Variants in CNNM3 observed in about 807,000 individuals in gnomAD.
The protein encoded by CNNM3 is metal transporter CNNM3.
In CNNM3, 47 loss-of-function variants were observed where a neutral mutation model predicts 57.1. That is an observed-to-expected ratio of 0.82 (90% CI 0.65 to 1.05). The LOEUF (loss-of-function observed/expected upper bound fraction) is 1.05. CNNM3 is among the 50% of genes least tolerant of loss of function. The pLI is 0.00. For synonymous variants in CNNM3, 507 were observed against 478.2 expected, an observed-to-expected ratio of 1.06 and a Z score of -0.79; for missense variants, 957 against 973.7, an observed-to-expected ratio of 0.98 and a Z score of 0.23.
At position 96,819,310 on chromosome 2, in the gene CNNM3, G is replaced by A. The variant is rs534334479; in HGVS notation, c.1225+1808G>A. 2.1e-4 allele frequency among the ~76,000 whole-genome samples: 32 copies of A among 152,338 alleles called. No homozygotes were observed. In the South Asian group the frequency reaches 5.0e-3, roughly 24 times the overall value. ...CCAACATTGCAACCCTGGAATCAGC[G>A]GAGTAGGTTCCATCCTGCCCTTGCC... On this transcript the variant is annotated intron_variant, in intron 1 of 7. Transcript: ENST00000305510.
Position 96,816,941 on chromosome 2 carries a change from G to A in CNNM3, c.664G>A (p.Val222Met). 7.9e-7 allele frequency: 1 copy of A among 1,260,390 alleles called. No individual in the cohort carries two copies. The allele number at this position is 1,260,390 out of a possible 1,614,324, so 78.1% of individuals were successfully genotyped here. Residue 222 changes from valine (V) to methionine (M), a missense_variant, in exon 1 of 8, where the codon GTG becomes ATG. Val to Met is a conservative substitution (Grantham distance 21). Around this residue, in one of 2 missense-constraint regions of CNNM3, gnomAD observed 466 missense variants for 403.1 expected, o/e 1.16. Coordinates refer to ENST00000305510, the MANE Select transcript of CNNM3 (RefSeq NM_017623.5). ...LLYRAAGQRA[V>M]PAVLGSAGLV... ...GTACCGCGCGGCCGGCCAGCGTGCG[G>A]TGCCCGCCGTGTTGGGCAGCGCGGG...
In CNNM3 at chr2:96,817,078, G is replaced by T; in HGVS notation, c.801G>T (p.Leu267=). ...GLSRLAVLLT[L]PVALPVGQLL... is the part of the protein sequence containing the mutation. Reference sequence around the variant, plus strand: ...GCCGCCTGGCCGTCCTGCTCACTCTGCCCGTCGCGCTGCCCGTGGGGCAGC... The same window carrying T: ...GCCGCCTGGCCGTCCTGCTCACTCTTCCCGTCGCGCTGCCCGTGGGGCAGC... The change falls in exon 1 of 8, where the codon CTG becomes CTT. Residue 267 remains leucine (L), a synonymous_variant. Coordinates refer to ENST00000305510, the MANE Select transcript of CNNM3 (RefSeq NM_017623.5). 1 of 1,349,458 alleles carries T rather than the reference G, an allele frequency of 7.4e-7. No homozygotes were observed. The highest frequency in any genetic ancestry group is 9.5e-7 in the Non-Finnish European group (1 of 1,057,952). 83.6% of individuals were successfully genotyped at this position (1,349,458 alleles called of 1,614,324 possible).
intron 1 of CNNM3, among the ~76,000 whole-genome samples, chr2:96,823,393 G>A (rs1048471394): frequency 1.3e-5 from 2 of 152,124 alleles, no homozygotes; most frequent in Non-Finnish European, 2.9e-5. Flanking sequence ...ACCACATGTC[G>A]CACTTGGCCT....
Position 96,833,711 on chromosome 2 carries a change from C to A in CNNM3, c.*1095C>A, listed in dbSNP as rs1441372868. The A allele has an allele frequency of 6.6e-6, 1 of 152,160 alleles. No homozygotes were observed. Among genetic ancestry groups the A allele is most frequent in the Non-Finnish European group, 1.5e-5 (1 of 68,050 alleles). The allele number at this position is 152,160 out of a possible 1,614,324, so 9.4% of individuals were successfully genotyped here. A position where few individuals can be genotyped will look rare whatever the true frequency, so the allele number is the denominator to read the frequency against. ...AGTTCTTCAGCTGTGTGGAAACGGG[C>A]ATCACAAGGACATAGGATCATAGAT... is the stretch of plus-strand genomic sequence containing the variant. On this transcript the variant is annotated 3_prime_UTR_variant, in exon 8 of 8. Coordinates refer to ENST00000305510, the MANE Select transcript of CNNM3 (RefSeq NM_017623.5).
downstream of CNNM3, chr2:96,836,757 C>T (rs963010476): frequency 6.6e-6 from 1 of 152,154 alleles, no homozygotes; most frequent in African/African-American, 2.4e-5. Context: ...ACTGATATTT[C>T]CTTTATGGAC....
In CNNM3 at chr2:96,829,018, A is replaced by G. The variant is rs369097574; in HGVS notation, c.1943A>G (p.Asn648Ser). Residue 648 changes from asparagine to serine, a missense_variant, in exon 7 of 8, where the codon AAT (asparagine) becomes AGT (serine). Asn to Ser is a conservative substitution (Grantham distance 46). Coordinates refer to ENST00000305510, the MANE Select transcript of CNNM3 (RefSeq NM_017623.5). ...LIKVTRLQYL[N>S]ALLATRAQNL... ...CAGGTTACGCGACTGCAGTACCTCA[A>G]TGCACTCCTGGCTACCCGAGCCCAG... is the stretch of plus-strand genomic sequence containing the variant. The G allele has an allele frequency of 2.7e-5, 43 of 1,613,820 alleles. No individual in the cohort carries two copies. Among genetic ancestry groups the G allele is most frequent in the South Asian group, 8.8e-5 (8 of 91,086 alleles).
chr2:96,837,167 A>T (rs558709157), downstream of CNNM3: 1 of 152,152 alleles, frequency 6.6e-6, no homozygotes, highest in African/African-American at 2.4e-5. Context: ...CTCTCACTCT[A>T]TTCTTTTTCA....
At chr2:96,836,081 T>TC (rs61415815), downstream of CNNM3, among the ~76,000 whole-genome samples, 3,161 of 113,808 alleles carry the variant, frequency 0.028, 259 homozygotes, top group African/African-American at 0.1. Flanking sequence ...CCCCTCCCCC[T>TC]CCCCCCCTTT....
At chr2:96,822,334 A>G (rs1432778531) in intron 1 of CNNM3, among the ~76,000 whole-genome samples, 1 of 151,424 alleles carries the variant, frequency 6.6e-6, no homozygotes, top group East Asian at 1.9e-4. Flanking sequence ...TTTGAGACAG[A>G]GTCTTGCTCT....
chr2:96,816,619 G>A lies in CNNM3; in HGVS notation c.342G>A (p.Ser114=). ...GGGCCGAGGCCGTGCGCCCGCACTC[G>A]GCGCTGCTGGCGGTGCGCGTGGAGC... ...RLRAEAVRPH[S]ALLAVRVEPG... is the part of the protein sequence containing the mutation. Residue 114 remains serine, a synonymous_variant, in exon 1 of 8, where the codon TCG becomes TCA. Transcript: ENST00000305510. 1 of 1,164,536 alleles carries A rather than the reference G, an allele frequency of 8.6e-7. No homozygotes were observed. Among genetic ancestry groups the A allele is most frequent in the Non-Finnish European group, 1.1e-6 (1 of 945,304 alleles). 72.1% of individuals were successfully genotyped at this position (1,164,536 alleles called of 1,614,324 possible). A position where few individuals can be genotyped will look rare whatever the true frequency, so the allele number is the denominator to read the frequency against.
At chr2:96,830,172 T>G (rs2079577189) in intron 7 of CNNM3, among the ~76,000 whole-genome samples, 1 of 152,216 alleles carries the variant, frequency 6.6e-6, no homozygotes, top group South Asian at 2.1e-4. Context: ...GGGTCAGAGA[T>G]ATGCCTGAAC....
chr2:96,827,768 G>A lies in CNNM3; in HGVS notation c.1557G>A (p.Lys519=). ...DVFSPLRISE[K]VLLHLLKHPS... ...TCAGCCCGCTGCGCATCTCTGAGAA[G>A]GTCCTGCTGCACCTGTTGAAGCATC... The change falls in exon 4 of 8, where the codon AAG becomes AAA. Residue 519 remains lysine, a synonymous_variant. Coordinates refer to ENST00000305510, the MANE Select transcript of CNNM3 (RefSeq NM_017623.5). The A allele has an allele frequency of 1.2e-6, 2 of 1,614,204 alleles. No homozygotes were observed. The highest frequency in any genetic ancestry group is 1.6e-4 in the Middle Eastern group (1 of 6,062).
In CNNM3 at chr2:96,817,081, C is replaced by A; in HGVS notation, c.804C>A (p.Pro268=). 1 of 1,347,776 alleles carries A rather than the reference C, an allele frequency of 7.4e-7. No homozygotes were observed. Among genetic ancestry groups the A allele is most frequent in the Middle Eastern group, 2.4e-4 (1 of 4,174 alleles). 83.5% of individuals were successfully genotyped at this position (1,347,776 alleles called of 1,614,324 possible). Residue 268 remains proline (P), a synonymous_variant, in exon 1 of 8, where the codon CCC becomes CCA. Transcript: ENST00000305510. The stretch of plus-strand genomic sequence containing the variant: ...GCCTGGCCGTCCTGCTCACTCTGCC[C>A]GTCGCGCTGCCCGTGGGGCAGCTGC... ...LSRLAVLLTL[P]VALPVGQLLE... is the part of the protein sequence containing the mutation.
chr2:96,821,329 TTG>T (rs779814168), intron 1 of CNNM3, among the ~76,000 whole-genome samples: 18 of 152,188 alleles, frequency 1.2e-4, no homozygotes, highest in Non-Finnish European at 1.9e-4. Context: ...ATTGCAGTCT[TTG>T]TGGCGTGTGA....
downstream of CNNM3, chr2:96,837,115 T>A (rs142961674): frequency 6.6e-6 from 1 of 152,258 alleles, no homozygotes; most frequent in Non-Finnish European, 1.5e-5. Flanking sequence ...TTGGTTCACA[T>A]AGCTATATAG....
intron 4 of CNNM3, 59 bp from the exon 5 acceptor site, chr2:96,828,040 T>C: frequency 6.3e-7 from 1 of 1,583,272 alleles, no homozygotes; most frequent in Non-Finnish European, 8.7e-7. Context: ...CCTTCCGCTG[T>C]CTTCTGACGG....
At chr2:96,827,197 C>T (rs146594601) in intron 3 of CNNM3, among the ~76,000 whole-genome samples, 22 of 152,250 alleles carry the variant, frequency 1.4e-4, no homozygotes, top group Non-Finnish European at 2.8e-4. Context: ...GCCAGTGCCA[C>T]GCCTGGTGCA....
rs2079531225 is a variant in CNNM3, at chr2:96,827,638, G to T, written c.1520-93G>T. On this transcript the variant is annotated intron_variant, in intron 3 of 7. Transcript: ENST00000305510. ...AGGCCACCCGGGAGATCCCTGGTGG[G>T]CACAATAACTTTAAATTGCCTACAG... 6 of 1,329,800 alleles carry T rather than the reference G, an allele frequency of 4.5e-6. No homozygotes were observed. The South Asian group carries it at 8.1e-5, about 18-fold the overall frequency. The allele number at this position is 1,329,800 out of a possible 1,614,324, so 82.4% of individuals were successfully genotyped here. A position where few individuals can be genotyped will look rare whatever the true frequency, so the allele number is the denominator to read the frequency against.
intron 2 of CNNM3, among the ~76,000 whole-genome samples, chr2:96,826,346 G>A (rs1202887598): frequency 2.0e-5 from 3 of 151,942 alleles, no homozygotes; most frequent in Admixed American, 2.0e-4. Flanking sequence ...CTGAGCAGTT[G>A]GGACTACAGG....
Sources: allele counts gnomAD v4.1 joint callset (sites outside exome capture counted in the v4.1 genomes callset), GRCh38; gene constraint gnomAD v4.1.1; regional missense constraint gnomAD v4.1.1; transcripts MANE v1.5; gene names NCBI Gene and HGNC (gene_info 2026-07-23, HGNC 2026-07-21).